Variants in ARHGAP32 observed in about 807,000 individuals in gnomAD.
ARHGAP32 encodes rho GTPase-activating protein 32.
Under a neutral mutation model 186.5 loss-of-function variants are expected in ARHGAP32, and 51 were observed. The observed-to-expected ratio is 0.27, with a 90% CI of 0.22 to 0.35. The LOEUF (loss-of-function observed/expected upper bound fraction) is 0.35. Among genes scored for constraint, ARHGAP32 ranks in the 10% least tolerant of loss-of-function variants. The pLI, the probability that ARHGAP32 is intolerant of heterozygous loss-of-function variation, is 1.00. For missense variants in ARHGAP32, 2,186 were observed against 2,623.5 expected (o/e 0.83, Z 3.64); for synonymous variants, 950 against 964.3 (o/e 0.99, Z 0.27).
At chr11:129,220,519 A>G (rs1023876789) in intron 1 of ARHGAP32, among the ~76,000 whole-genome samples, 2 of 152,212 alleles carry the variant, frequency 1.3e-5, no homozygotes, top group Non-Finnish European at 2.9e-5. Flanking sequence ...AGGAGAATAC[A>G]TAAATTTTTA....
At chr11:129,277,557 T>C (rs1374486660) in intron 1 of ARHGAP32, among the ~76,000 whole-genome samples, 5 of 152,236 alleles carry the variant, frequency 3.3e-5, no homozygotes, top group South Asian at 2.1e-4. Context: ...TACAGTAAAC[T>C]GGGCTTCCAC....
intron 1 of ARHGAP32, among the ~76,000 whole-genome samples, chr11:129,173,688 C>T (rs919777496): frequency 6.6e-6 from 1 of 152,150 alleles, no homozygotes; most frequent in African/African-American, 2.4e-5. Context: ...TAAATGTAAT[C>T]CATCACATAT....
At chr11:129,214,560 G>A (rs1260387921) in intron 1 of ARHGAP32, among the ~76,000 whole-genome samples, 1 of 152,158 alleles carries the variant, frequency 6.6e-6, no homozygotes, top group Non-Finnish European at 1.5e-5. Flanking sequence ...GATTCAAAGG[G>A]CTTCCAGGAA....
chr11:128,975,389 C>CT (rs1437840860), intron 20 of ARHGAP32, among the ~76,000 whole-genome samples: 8 of 152,050 alleles, frequency 5.3e-5, no homozygotes, highest in Non-Finnish European at 8.8e-5. Context: ...GAATTAATCA[C>CT]TTTGAGTGGC....
intron 6 of ARHGAP32, among the ~76,000 whole-genome samples, chr11:129,086,876 A>C (rs1048041922): frequency 1.4e-4 from 22 of 152,128 alleles, no homozygotes; most frequent in African/African-American, 5.1e-4. Context: ...AAATACACAA[A>C]GTATTCATAA....
intron 2 of ARHGAP32, among the ~76,000 whole-genome samples, chr11:129,151,214 T>C (rs1943280070): frequency 6.6e-6 from 1 of 151,434 alleles, no homozygotes; most frequent in Non-Finnish European, 1.5e-5. Flanking sequence ...TAACACGAGG[T>C]CTCCCAAATT....
chr11:128,975,920 T>C (rs1176239228), intron 20 of ARHGAP32, among the ~76,000 whole-genome samples: 1 of 152,000 alleles, frequency 6.6e-6, no homozygotes, highest in Non-Finnish European at 1.5e-5. Context: ...ATACACTTTA[T>C]AAAATTATGC....
chr11:129,265,793 CTG>C (rs545407737), intron 1 of ARHGAP32, among the ~76,000 whole-genome samples: 5 of 152,182 alleles, frequency 3.3e-5, no homozygotes, highest in Non-Finnish European at 7.4e-5. Flanking sequence ...GCACACTTTC[CTG>C]TCTTATGTAA....
At chr11:129,179,036 C>G (rs1405660551) in intron 1 of ARHGAP32, among the ~76,000 whole-genome samples, 4 of 151,022 alleles carry the variant, frequency 2.6e-5, no homozygotes, top group Non-Finnish European at 5.9e-5. Flanking sequence ...ATTTTTGCAA[C>G]CTACTCATCT....
At chr11:129,104,874 A>G (rs764615474) in intron 5 of ARHGAP32, among the ~76,000 whole-genome samples, 2 of 152,168 alleles carry the variant, frequency 1.3e-5, no homozygotes, top group Non-Finnish European at 2.9e-5. Context: ...AAGCCACTTC[A>G]AAATAGGAAA....
chr11:129,137,277 G>C (rs1349957520), intron 2 of ARHGAP32, among the ~76,000 whole-genome samples: 1 of 151,824 alleles, frequency 6.6e-6, no homozygotes, highest in Admixed American at 6.6e-5. Context: ...TGCTTACCTA[G>C]GAGGGAACAA....
At chr11:129,234,245 C>T (rs527447695) in intron 1 of ARHGAP32, among the ~76,000 whole-genome samples, 1 of 152,192 alleles carries the variant, frequency 6.6e-6, no homozygotes, top group South Asian at 2.1e-4. Context: ...TAAACTATTA[C>T]ATTTCAAAAT....
In ARHGAP32 at chr11:129,040,503, C is replaced by T. The variant is rs532484224; in HGVS notation, c.1045+425G>A. ...ATATTTATGCAGCACTGTAAGTATA[C>T]TGTATAAGTAATAAGAAATGCTGTT... is the stretch of plus-strand genomic sequence containing the variant. On this transcript the variant is annotated intron_variant, in intron 11 of 22. Transcript: ENST00000682385. Among the ~76,000 whole-genome samples the T allele has an allele frequency of 3.7e-3, 557 of 152,224 alleles. 2 individuals are homozygous for T. Among genetic ancestry groups the T allele is most frequent in the African/African-American group, 0.013 (533 of 41,552 alleles).
intron 11 of ARHGAP32, among the ~76,000 whole-genome samples, chr11:129,022,416 T>G (rs1020136483): frequency 1.2e-4 from 18 of 152,124 alleles, no homozygotes; most frequent in African/African-American, 4.3e-4. Flanking sequence ...GTTTCTATAT[T>G]TGGTGAGTAT....
intron 1 of ARHGAP32, among the ~76,000 whole-genome samples, chr11:129,218,383 T>C (rs1035802209): frequency 1.3e-5 from 2 of 151,892 alleles, no homozygotes; most frequent in Non-Finnish European, 1.5e-5. Context: ...TATCAAGCTG[T>C]TTCAAGTTCT....
chr11:129,089,148 T>A (rs1941501374), intron 6 of ARHGAP32, among the ~76,000 whole-genome samples: 1 of 152,164 alleles, frequency 6.6e-6, no homozygotes, highest in Non-Finnish European at 1.5e-5. Flanking sequence ...CAGATTTCTA[T>A]GATAAGAATT....
At chr11:129,114,289 C>G (rs961901093) in intron 5 of ARHGAP32, among the ~76,000 whole-genome samples, 2 of 152,146 alleles carry the variant, frequency 1.3e-5, no homozygotes, top group Non-Finnish European at 2.9e-5. Context: ...TCACTTCTAT[C>G]TCTGCATATC....
At chr11:129,160,478 A>C (rs534552095) in intron 2 of ARHGAP32, among the ~76,000 whole-genome samples, 1 of 152,352 alleles carries the variant, frequency 6.6e-6, no homozygotes, top group Non-Finnish European at 1.5e-5. Flanking sequence ...AGAGAGCCAA[A>C]TCATGAGTGA....
intron 6 of ARHGAP32, among the ~76,000 whole-genome samples, chr11:129,073,121 C>T (rs1356234668): frequency 6.6e-6 from 1 of 152,132 alleles, no homozygotes; most frequent in Admixed American, 6.5e-5. Flanking sequence ...AATGCTTCCC[C>T]CTACACACAC....
Sources: allele counts gnomAD v4.1 joint callset (sites outside exome capture counted in the v4.1 genomes callset), GRCh38; gene constraint gnomAD v4.1.1; transcripts MANE v1.5; gene names NCBI Gene and HGNC (gene_info 2026-07-23, HGNC 2026-07-21).